UGT1A10: variants seen among roughly 807,000 people sequenced by gnomAD.
UGT1A10 encodes the protein UDP glucuronosyltransferase family 1 member A10, also known as UDP-glucuronosyltransferase 1A10.
In UGT1A10, 49 loss-of-function variants were observed where a neutral mutation model predicts 45.8. The observed-to-expected ratio is 1.07, with a 90% CI of 0.85 to 1.36. UGT1A10 has a LOEUF of 1.36. Among genes scored for constraint, UGT1A10 ranks in the 40% most tolerant of loss-of-function variants. The probability of loss-of-function intolerance (pLI) is 0.00; values close to 1 mark genes in which losing one functional copy is unlikely to be tolerated. For missense variants in UGT1A10, 745 were observed against 668.6 expected (o/e 1.11, Z -1.26); for synonymous variants, 284 against 249.7 (o/e 1.14, Z -1.29).
intron 1 of UGT1A10, chr2:233,681,913 G>A: frequency 6.2e-7 from 1 of 1,601,310 alleles, no homozygotes; most frequent in Non-Finnish European, 8.5e-7. Flanking sequence ...AATCCCAGCT[G>A]CTGGCTCTGG....
chr2:233,704,330 C>T (rs1355795459), intron 1 of UGT1A10, among the ~76,000 whole-genome samples: 1 of 143,058 alleles, frequency 7.0e-6, no homozygotes, highest in African/African-American at 2.7e-5. Flanking sequence ...TTTCTTTCCA[C>T]TATTTAAAAA....
chr2:233,718,235 C>G (rs531002147), intron 1 of UGT1A10, among the ~76,000 whole-genome samples: 1 of 152,318 alleles, frequency 6.6e-6, no homozygotes, highest in African/African-American at 2.4e-5. Flanking sequence ...AGAGAGTCCT[C>G]TTTGAGCTTT....
intron 1 of UGT1A10, among the ~76,000 whole-genome samples, chr2:233,722,884 C>T (rs1358395821): frequency 7.1e-6 from 1 of 141,226 alleles, no homozygotes; most frequent in Admixed American, 7.2e-5. Flanking sequence ...ATTTATTGCT[C>T]ATTAAGTGGA....
intron 1 of UGT1A10, chr2:233,741,756 G>A (rs1189560156): frequency 1.3e-5 from 2 of 151,848 alleles, no homozygotes; most frequent in Non-Finnish European, 2.9e-5. Context: ...GTTGGTTAAT[G>A]ATGTGTTCAG....
At position 233,772,432 on chromosome 2, in the gene UGT1A10, T is replaced by C. The variant is rs771600393; in HGVS notation, c.1466T>C (p.Ile489Thr). 4.3e-6 allele frequency: 7 copies of C among 1,614,238 alleles called. No homozygotes were observed. Among genetic ancestry groups the C allele is most frequent in the Middle Eastern group, 1.6e-4 (1 of 6,062 alleles). Residue 489 changes from isoleucine to threonine, a missense_variant, in exon 5 of 5, where the codon ATT (isoleucine) becomes ACT (threonine). Physicochemically the swap from Ile to Thr is moderately conservative, Grantham distance 89 (BLOSUM62 -1). Coordinates refer to ENST00000344644, the MANE Select transcript of UGT1A10 (RefSeq NM_019075.4). ...TWYQYHSLDV[I>T]GFLLAVVLTV... Reference sequence around the variant, plus strand: ...TACCAGTACCATTCCTTGGACGTGATTGGTTTCCTCTTGGCCGTCGTGCTG... The same window carrying C: ...TACCAGTACCATTCCTTGGACGTGACTGGTTTCCTCTTGGCCGTCGTGCTG...
At chr2:233,685,100 A>G (rs1174006549) in intron 1 of UGT1A10, among the ~76,000 whole-genome samples, 5 of 152,270 alleles carry the variant, frequency 3.3e-5, no homozygotes, top group African/African-American at 1.2e-4. Flanking sequence ...CTATAACAAA[A>G]TCTTATTGAG....
chr2:233,724,238 G>A (rs2077193848), intron 1 of UGT1A10, among the ~76,000 whole-genome samples: 1 of 129,762 alleles, frequency 7.7e-6, no homozygotes, highest in African/African-American at 3.0e-5. Context: ...GGGGCGGCCG[G>A]GCAGAGGCGC....
intron 1 of UGT1A10, chr2:233,718,897 C>G (rs1667541971): frequency 8.1e-6 from 13 of 1,614,042 alleles, no homozygotes; most frequent in Non-Finnish European, 1.1e-5. Context: ...CAGCCCTGGG[C>G]TGAGAGTGGA....
intron 1 of UGT1A10, among the ~76,000 whole-genome samples, chr2:233,726,159 C>T (rs986768021): frequency 9.2e-5 from 14 of 152,064 alleles, no homozygotes; most frequent in African/African-American, 3.4e-4. Flanking sequence ...GAGTGAGGCC[C>T]CATTTCAAAA....
At chr2:233,695,283 T>A (rs546580338) in intron 1 of UGT1A10, among the ~76,000 whole-genome samples, 12 of 151,886 alleles carry the variant, frequency 7.9e-5, no homozygotes, top group Non-Finnish European at 8.8e-5. Flanking sequence ...GTGCCACCAT[T>A]CCCAGCTAAT....
At position 233,637,250 on chromosome 2, in the gene UGT1A10, A is replaced by G; in HGVS notation, c.728A>G (p.Asp243Gly). ...EILQTPVTAY[D>G]LYSHTSIWLL... ...CTCCAAACCCCTGTCACGGCATATG[A>G]TCTCTACAGTCACACATCAATTTGG... Residue 243 changes from aspartate to glycine, a missense_variant, in exon 1 of 5, where the codon GAT (aspartate) becomes GGT (glycine). Asp to Gly is a moderately conservative substitution (Grantham distance 94). Transcript: ENST00000344644. 2 of 1,613,900 alleles carry G rather than the reference A, an allele frequency of 1.2e-6. No individual in the cohort carries two copies. The highest frequency in any genetic ancestry group is 1.7e-6 in the Non-Finnish European group (2 of 1,179,854).
intron 1 of UGT1A10, among the ~76,000 whole-genome samples, chr2:233,706,519 A>C (rs2075911492): frequency 6.6e-6 from 1 of 152,224 alleles, no homozygotes; most frequent in Non-Finnish European, 1.5e-5. Context: ...AGGATTTTAC[A>C]GCGGCTTAGA....
intron 1 of UGT1A10, among the ~76,000 whole-genome samples, chr2:233,751,322 C>G (rs1431699530): frequency 6.6e-6 from 1 of 151,916 alleles, no homozygotes; most frequent in Non-Finnish European, 1.5e-5. Context: ...TTCTGTACCC[C>G]CATTGTGTCT....
chr2:233,678,189 A>G (rs918890565), intron 1 of UGT1A10, among the ~76,000 whole-genome samples: 1 of 152,206 alleles, frequency 6.6e-6, no homozygotes, highest in Non-Finnish European at 1.5e-5. Flanking sequence ...AGGCTGCAAG[A>G]GTTGAAAAAC....
intron 1 of UGT1A10, chr2:233,693,716 AAG>A (rs772582251): frequency 6.2e-7 from 1 of 1,614,204 alleles, no homozygotes; most frequent in Non-Finnish European, 8.5e-7. Flanking sequence ...AGCTGTCCTC[AAG>A]AGAGATGTGG....
intron 1 of UGT1A10, among the ~76,000 whole-genome samples, chr2:233,668,068 T>A (rs1055754324): frequency 1.3e-5 from 2 of 151,882 alleles, no homozygotes; most frequent in Non-Finnish European, 2.9e-5. Context: ...CATTTTTTTT[T>A]ATTATACTTT....
At chr2:233,746,083 T>C (rs1367851746) in intron 1 of UGT1A10, among the ~76,000 whole-genome samples, 2 of 151,832 alleles carry the variant, frequency 1.3e-5, no homozygotes, top group Admixed American at 1.3e-4. Flanking sequence ...GAGTCACTTC[T>C]ATACAGAAAC....
chr2:233,711,687 G>C (rs2125625049), intron 1 of UGT1A10, among the ~76,000 whole-genome samples: 1 of 152,298 alleles, frequency 6.6e-6, no homozygotes, highest in East Asian at 1.9e-4. Flanking sequence ...ATTTCTAATG[G>C]GGGTAACTTC....
intron 1 of UGT1A10, chr2:233,743,684 G>A (rs753997745): frequency 1.5e-6 from 2 of 1,367,252 alleles, no homozygotes; most frequent in Non-Finnish European, 2.0e-6. Context: ...CCTGCCGCCT[G>A]TGCAGCCGCC....
Sources: gnomAD v4.1 joint callset for allele counts (sites outside exome capture counted in the v4.1 genomes callset) on GRCh38, gnomAD v4.1.1 for gene constraint, MANE v1.5 for transcripts, NCBI Gene and HGNC (gene_info 2026-07-23, HGNC 2026-07-21) for gene names.